The following PRSS23 variants were observed in gnomAD, a reference collection of about 807,000 sequenced individuals.
PRSS23 encodes the protein protease, serine 23.
PRSS23 carries 25 observed loss-of-function variants against 34.7 expected under a neutral mutation model. That is an observed-to-expected ratio of 0.72 (90% CI 0.53 to 1.01). The LOEUF (loss-of-function observed/expected upper bound fraction) is 1.01, where lower values mean the gene tolerates loss of function less well. Ranked by LOEUF, PRSS23 falls within the 50% of genes least tolerant of loss-of-function variation. The pLI, the probability that PRSS23 is intolerant of heterozygous loss-of-function variation, is 0.00. For synonymous variants in PRSS23, 176 were observed against 186.6 expected (o/e 0.94, Z 0.46); for missense variants, 445 against 475.6 (o/e 0.94, Z 0.60).
chr11:86,929,973 T>G (rs185047357), intron 2 of PRSS23, among the ~76,000 whole-genome samples: 1 of 152,122 alleles, frequency 6.6e-6, no homozygotes, highest in Non-Finnish European at 1.5e-5. Context: ...GTATATACAT[T>G]AGTATTAGCA....
intron 2 of PRSS23, among the ~76,000 whole-genome samples, chr11:86,887,651 C>T (rs7130277): frequency 0.66 from 100,960 of 152,048 alleles, 33,794 homozygotes; most frequent in South Asian, 0.73. Flanking sequence ...TAATAATTAC[C>T]GTGCACCTAC....
intron 2 of PRSS23, among the ~76,000 whole-genome samples, chr11:86,851,849 A>T (rs1432169150): frequency 6.6e-6 from 1 of 152,052 alleles, no homozygotes; most frequent in Non-Finnish European, 1.5e-5. Flanking sequence ...CTTAGGGAAT[A>T]GTTTAGAGGA....
chr11:86,812,204 C>T (rs956693007), downstream of PRSS23, among the ~76,000 whole-genome samples: 3 of 152,142 alleles, frequency 2.0e-5, no homozygotes, highest in Non-Finnish European at 2.9e-5. Flanking sequence ...CTCTGTATAG[C>T]GTGCAGACTG....
chr11:86,851,717 T>A (rs1329473094), intron 2 of PRSS23, among the ~76,000 whole-genome samples: 1 of 152,244 alleles, frequency 6.6e-6, no homozygotes, highest in Non-Finnish European at 1.5e-5. Context: ...TGAAACAAGC[T>A]GCATAGACCA....
chr11:86,839,328 C>G (rs1200501787), intron 2 of PRSS23, among the ~76,000 whole-genome samples: 2 of 152,052 alleles, frequency 1.3e-5, no homozygotes, highest in Non-Finnish European at 2.9e-5. Context: ...AAAACCACAG[C>G]AGGAGAACTT....
At chr11:86,874,263 C>T (rs1185189466) in intron 2 of PRSS23, among the ~76,000 whole-genome samples, 2 of 152,178 alleles carry the variant, frequency 1.3e-5, no homozygotes, top group Non-Finnish European at 2.9e-5. Context: ...AGAATCTTGC[C>T]ACATTCACTC....
chr11:86,846,680 A>G (rs1387820653), intron 2 of PRSS23, among the ~76,000 whole-genome samples: 1 of 152,210 alleles, frequency 6.6e-6, no homozygotes, highest in East Asian at 1.9e-4. Flanking sequence ...TCCACCAGTT[A>G]GACTTCTTTC....
chr11:86,811,339 T>G (rs1948176394), downstream of PRSS23: 1 of 157,656 alleles, frequency 6.3e-6, no homozygotes, highest in Non-Finnish European at 1.5e-5. Context: ...GTAGAAAGAA[T>G]GATGAGTCCG....
intron 2 of PRSS23, among the ~76,000 whole-genome samples, chr11:86,900,786 T>C (rs960921774): frequency 2.1e-4 from 30 of 142,628 alleles, no homozygotes; most frequent in Middle Eastern, 3.4e-3. Context: ...TCTCTCTTTT[T>C]TTTTTTTTTT....
chr11:86,873,000 A>G lies in PRSS23; in HGVS notation c.206+49407A>G, dbSNP rs966012720. 6.2e-4 allele frequency among the ~76,000 whole-genome samples: 95 copies of G among 152,176 alleles called. 1 individual carries two copies. Among genetic ancestry groups the G allele is most frequent in the African/African-American group, 2.2e-3 (92 of 41,512 alleles). On this transcript the variant is annotated intron_variant, in intron 2 of 2. Coordinates refer to the PRSS23 transcript ENST00000533902. ...TCAGTTCTCATCATTCAATGGACTC[A>G]ATCAACTATTAATTAACTCTGAATT...
intron 2 of PRSS23, among the ~76,000 whole-genome samples, chr11:86,913,975 CGGGT>C (rs1948994790): frequency 7.4e-6 from 1 of 135,122 alleles, no homozygotes; most frequent in East Asian, 2.3e-4. Context: ...GAGGCTGAGG[CGGGT>C]GGATCACCTG....
chr11:86,904,405 T>C (rs1590921981), intron 2 of PRSS23, among the ~76,000 whole-genome samples: 1 of 152,142 alleles, frequency 6.6e-6, no homozygotes, highest in Non-Finnish European at 1.5e-5. Context: ...CTTGTGGTTC[T>C]AGCAGTTTAG....
At chr11:86,862,698 G>A (rs1448655838) in intron 2 of PRSS23, among the ~76,000 whole-genome samples, 2 of 151,500 alleles carry the variant, frequency 1.3e-5, no homozygotes, top group East Asian at 3.9e-4. Flanking sequence ...TGTCTTAGAG[G>A]CATATTACTC....
At chr11:86,833,575 A>C (rs1590885381) in intron 2 of PRSS23, 1 of 227,536 alleles carries the variant, frequency 4.4e-6, no homozygotes, top group Non-Finnish European at 8.7e-6. Context: ...TGCTGGCTCG[A>C]ATGCCTGGGT....
intron 2 of PRSS23, among the ~76,000 whole-genome samples, chr11:86,825,116 T>C (rs1200035292): frequency 1.3e-5 from 2 of 151,930 alleles, no homozygotes; most frequent in African/African-American, 4.8e-5. Context: ...AGTGTTCCTA[T>C]TTCTCCACAT....
intron 2 of PRSS23, among the ~76,000 whole-genome samples, chr11:86,893,660 G>A (rs1397766513): frequency 1.3e-5 from 2 of 152,186 alleles, no homozygotes; most frequent in Non-Finnish European, 2.9e-5. Context: ...GATAGATATA[G>A]ATATATACAT....
intron 2 of PRSS23, among the ~76,000 whole-genome samples, chr11:86,824,688 T>C (rs936311031): frequency 6.3e-5 from 9 of 143,034 alleles, no homozygotes; most frequent in Non-Finnish European, 1.1e-4. Context: ...GTCCATGTGT[T>C]CTCATTGTTC....
chr11:86,916,946 G>A (rs914179918), intron 2 of PRSS23, among the ~76,000 whole-genome samples: 5 of 152,192 alleles, frequency 3.3e-5, no homozygotes, highest in Admixed American at 3.3e-4. Context: ...GCCCAGCACC[G>A]AGGCTCAGTT....
In PRSS23 at chr11:86,810,526, T is replaced by A. The variant is rs893532441; in HGVS notation, c.*1731T>A. The A allele has an allele frequency of 6.0e-6, 1 of 167,086 alleles. No homozygotes were observed. The highest frequency in any genetic ancestry group is 6.5e-5 in the Admixed American group (1 of 15,278). The allele number at this position is 167,086 out of a possible 1,614,324, so 10.4% of individuals were successfully genotyped here. ...AATTTTCTTTGGAATCTAACAGGAA[T>A]CTAGCCTGAGGAAGAAGGGAGGTCT... is the stretch of plus-strand genomic sequence containing the variant. On this transcript the variant is annotated 3_prime_UTR_variant, in exon 2 of 2. Transcript: ENST00000280258.
Sources: allele counts gnomAD v4.1 joint callset (sites outside exome capture counted in the v4.1 genomes callset), GRCh38; gene constraint gnomAD v4.1.1; transcripts MANE v1.5; gene names NCBI Gene and HGNC (gene_info 2026-07-23, HGNC 2026-07-21).